PCBP3: variants seen among roughly 807,000 people sequenced by gnomAD.
The protein encoded by PCBP3 is poly(rC)-binding protein 3.
Under a neutral mutation model 52.7 loss-of-function variants are expected in PCBP3, and 25 were observed. That is an observed-to-expected ratio of 0.47 (90% CI 0.35 to 0.66). The LOEUF (loss-of-function observed/expected upper bound fraction) is 0.66. Ranked by LOEUF, PCBP3 falls within the 30% of genes least tolerant of loss-of-function variation. The probability of loss-of-function intolerance (pLI) is 0.01; values close to 1 mark genes in which losing one functional copy is unlikely to be tolerated. For missense variants in PCBP3, 391 were observed against 490.3 expected (o/e 0.80, Z 1.91); for synonymous variants, 162 against 183.0 (o/e 0.89, Z 0.93).
chr21:45,705,303 G>A (rs1420584244), intron 2 of PCBP3, among the ~76,000 whole-genome samples: 1 of 152,200 alleles, frequency 6.6e-6, no homozygotes, highest in Non-Finnish European at 1.5e-5. Context: ...CCACCCTTGT[G>A]AGCAGGGGCC....
chr21:45,909,778 GCCCAGATACGGACC>G (rs1569484364), intron 10 of PCBP3, among the ~76,000 whole-genome samples: 10 of 21,672 alleles, frequency 4.6e-4, no homozygotes, highest in African/African-American at 2.2e-3. Flanking sequence ...CCCACCCACT[GCCCAGATACGGACC>G]CCCCCCCCAC....
At position 45,931,787 on chromosome 21, in the gene PCBP3, A is replaced by G. The variant is rs59103145; in HGVS notation, c.856+942A>G. 5.2e-3 allele frequency among the ~76,000 whole-genome samples: 771 copies of G among 147,412 alleles called. 7 individuals are homozygous for G. The highest frequency in any genetic ancestry group is 0.018 in the African/African-American group (694 of 39,104). ...ATGCTGTCCTGAAATGAATGAACAC[A>G]TCGGCCATGCTGTCCTGAGATGAAT... On this transcript the variant is annotated intron_variant, in intron 15 of 17. Transcript: ENST00000681687.
At chr21:45,937,365 T>G (rs1307902574) in intron 16 of PCBP3, among the ~76,000 whole-genome samples, 1 of 152,308 alleles carries the variant, frequency 6.6e-6, no homozygotes. Flanking sequence ...CTCTTGGTCA[T>G]GCAGGCACTG....
intron 4 of PCBP3, among the ~76,000 whole-genome samples, chr21:45,818,058 T>C (rs917612326): frequency 6.6e-6 from 1 of 152,166 alleles, no homozygotes; most frequent in African/African-American, 2.4e-5. Context: ...AGTCTCGCAC[T>C]GTCGCCCAGG....
chr21:45,696,494 A>T (rs757785033), intron 2 of PCBP3, among the ~76,000 whole-genome samples: 53 of 152,280 alleles, frequency 3.5e-4, no homozygotes, highest in Non-Finnish European at 6.5e-4. Context: ...TTAATTTTTT[A>T]AAAAAGGCAA....
chr21:45,938,159 G>A (rs1229151540), intron 16 of PCBP3, among the ~76,000 whole-genome samples: 1 of 152,212 alleles, frequency 6.6e-6, no homozygotes, highest in Non-Finnish European at 1.5e-5. Flanking sequence ...TTTGCAGGAG[G>A]GGCAGGGAGA....
At chr21:45,779,213 C>T (rs1259059634) in intron 4 of PCBP3, among the ~76,000 whole-genome samples, 1 of 152,216 alleles carries the variant, frequency 6.6e-6, no homozygotes, top group African/African-American at 2.4e-5. Context: ...TTGTAGGACC[C>T]AGCATGAGCT....
In PCBP3 at chr21:45,941,879, C is replaced by T; in HGVS notation, c.*173C>T. The T allele has an allele frequency of 2.1e-6, 1 of 472,912 alleles. No homozygotes were observed. Among genetic ancestry groups the T allele is most frequent in the Non-Finnish European group, 3.7e-6 (1 of 271,136 alleles). 29.3% of individuals were successfully genotyped at this position (472,912 alleles called of 1,614,324 possible). ...ACACACCCGCGCACACAGCTGCTCT[C>T]TACAGAGGCTGCAGGCTCCGCCGAG... On this transcript the variant is annotated 3_prime_UTR_variant, in exon 18 of 18. Coordinates refer to ENST00000681687, the MANE Select transcript of PCBP3 (RefSeq NM_001384156.1).
intron 2 of PCBP3, among the ~76,000 whole-genome samples, chr21:45,669,805 G>GTGTGTATA (rs1228443065): frequency 2.0e-5 from 1 of 49,726 alleles, no homozygotes; most frequent in Non-Finnish European, 3.9e-5. Flanking sequence ...GTGTGTGTGT[G>GTGTGTATA]TATATATATA....
chr21:45,846,362 G>T (rs913832989), intron 4 of PCBP3, among the ~76,000 whole-genome samples: 2 of 151,654 alleles, frequency 1.3e-5, no homozygotes, highest in African/African-American at 2.4e-5. Flanking sequence ...TGCTGTCTGT[G>T]CCATTTCTAT....
chr21:45,808,680 C>G (rs2092589017), intron 4 of PCBP3, among the ~76,000 whole-genome samples: 1 of 152,136 alleles, frequency 6.6e-6, no homozygotes, highest in Non-Finnish European at 1.5e-5. Flanking sequence ...CCAGCAATCC[C>G]ATTACTGAGT....
chr21:45,790,420 TTCA>T (rs2091462043), intron 4 of PCBP3, among the ~76,000 whole-genome samples: 3 of 152,138 alleles, frequency 2.0e-5, no homozygotes, highest in Admixed American at 1.3e-4. Context: ...CGCCGTGCCA[TTCA>T]GGCAGAGCAG....
At chr21:45,749,769 C>T (rs750893122) in intron 3 of PCBP3, 2 of 152,222 alleles carry the variant, frequency 1.3e-5, no homozygotes, top group Non-Finnish European at 2.9e-5. Context: ...GGGGTGTCCT[C>T]TCATCACCAC....
At chr21:45,932,226 A>T in intron 15 of PCBP3, among the ~76,000 whole-genome samples, 1 of 151,560 alleles carries the variant, frequency 6.6e-6, no homozygotes, top group East Asian at 2.0e-4. Flanking sequence ...TCCTGAGATG[A>T]ACGAACACCT....
At chr21:45,833,459 A>G (rs550703116) in intron 4 of PCBP3, among the ~76,000 whole-genome samples, 1 of 152,346 alleles carries the variant, frequency 6.6e-6, no homozygotes, top group East Asian at 1.9e-4. Flanking sequence ...TGTGCATGCC[A>G]GGCTCAGAAC....
At chr21:45,893,559 T>G (rs1373648382) in intron 5 of PCBP3, among the ~76,000 whole-genome samples, 2 of 48,774 alleles carry the variant, frequency 4.1e-5, no homozygotes, top group South Asian at 5.6e-4. Flanking sequence ...ACAGACCCCC[T>G]GGGCAAGTGC....
At chr21:45,732,141 TTAC>T (rs1237108850) in intron 2 of PCBP3, among the ~76,000 whole-genome samples, 1 of 152,166 alleles carries the variant, frequency 6.6e-6, no homozygotes, top group Non-Finnish European at 1.5e-5. Context: ...AAAGTTATTT[TTAC>T]TATGTATAGT....
intron 11 of PCBP3, among the ~76,000 whole-genome samples, chr21:45,913,260 T>C (rs754731826): frequency 1.6e-4 from 24 of 152,250 alleles, no homozygotes; most frequent in Admixed American, 6.5e-5. Context: ...ATCGTAACTA[T>C]GGGATTTTTT....
chr21:45,720,637 T>C (rs1217777004), intron 2 of PCBP3, among the ~76,000 whole-genome samples: 1 of 152,256 alleles, frequency 6.6e-6, no homozygotes, highest in Non-Finnish European at 1.5e-5. Context: ...TATTACTACA[T>C]TTGGAGTTTT....
Sources: gnomAD v4.1 joint callset for allele counts (sites outside exome capture counted in the v4.1 genomes callset) on GRCh38, gnomAD v4.1.1 for gene constraint, MANE v1.5 for transcripts, NCBI Gene and HGNC (gene_info 2026-07-23, HGNC 2026-07-21) for gene names.